Variants in GLRA3 observed in about 807,000 individuals in gnomAD.
GLRA3 encodes the protein glycine receptor subunit alpha-3.
In GLRA3, 44 loss-of-function variants were observed where a neutral mutation model predicts 60.4. That is an observed-to-expected ratio of 0.73 (90% CI 0.57 to 0.94). The LOEUF (loss-of-function observed/expected upper bound fraction) is 0.94, where lower values mean the gene tolerates loss of function less well. Ranked by LOEUF, GLRA3 falls within the 40% of genes least tolerant of loss-of-function variation. The pLI is 0.00. For missense variants in GLRA3, 508 were observed against 564.6 expected (o/e 0.90, Z 1.02); for synonymous variants, 223 against 192.9 (o/e 1.16, Z -1.29).
At chr4:174,656,106 A>C (rs1376446855) in intron 9 of GLRA3, among the ~76,000 whole-genome samples, 1 of 152,122 alleles carries the variant, frequency 6.6e-6, no homozygotes, top group Non-Finnish European at 1.5e-5. Context: ...CCCCAAGTTA[A>C]ACCACGTACA....
At chr4:174,668,098 C>T (rs72998795) in intron 7 of GLRA3, among the ~76,000 whole-genome samples, 7,464 of 152,142 alleles carry the variant, frequency 0.049, 618 homozygotes, top group African/African-American at 0.17. Context: ...CCTCCTGCTC[C>T]AGCCATGTAA....
intron 2 of GLRA3, among the ~76,000 whole-genome samples, chr4:174,778,835 C>T (rs28602610): frequency 3.2e-4 from 48 of 152,206 alleles, no homozygotes; most frequent in African/African-American, 1.1e-3. Flanking sequence ...CACGGAGTCT[C>T]GCTGATTGCT....
intron 3 of GLRA3, among the ~76,000 whole-genome samples, chr4:174,730,567 A>G: frequency 6.6e-6 from 1 of 152,116 alleles, no homozygotes; most frequent in Non-Finnish European, 1.5e-5. Flanking sequence ...AAATAAAAGT[A>G]CTCTTTAAGT....
chr4:174,745,932 A>C (rs905388890), intron 3 of GLRA3, among the ~76,000 whole-genome samples: 1 of 152,178 alleles, frequency 6.6e-6, no homozygotes, highest in Non-Finnish European at 1.5e-5. Flanking sequence ...AATTCAAATA[A>C]AAAACACAAT....
At position 174,828,846 on chromosome 4, in the gene GLRA3, C is replaced by G; in HGVS notation, c.-35G>C. ...AGATATTCACGATCCTGAAAATAGT[C>G]TTATCCAAGGCATGGGGAACCAGAA... On this transcript the variant is annotated 5_prime_UTR_variant, in exon 1 of 10. Transcript: ENST00000274093. 7.2e-7 allele frequency: 1 copy of G among 1,386,244 alleles called. No homozygotes were observed. The highest frequency in any genetic ancestry group is 1.0e-6 in the Non-Finnish European group (1 of 971,992). 85.9% of individuals were successfully genotyped at this position (1,386,244 alleles called of 1,614,324 possible). A position where few individuals can be genotyped will look rare whatever the true frequency, so the allele number is the denominator to read the frequency against.
At chr4:174,811,155 A>C (rs1377538192) in intron 1 of GLRA3, among the ~76,000 whole-genome samples, 2 of 149,658 alleles carry the variant, frequency 1.3e-5, no homozygotes, top group African/African-American at 4.9e-5. Context: ...ACACACACAC[A>C]GACAGCATGC....
intron 5 of GLRA3, among the ~76,000 whole-genome samples, chr4:174,696,424 G>A (rs1171894273): frequency 2.0e-5 from 3 of 149,172 alleles, no homozygotes; most frequent in Admixed American, 1.3e-4. Flanking sequence ...GTTGAAACGT[G>A]AATAACATAT....
intron 6 of GLRA3, among the ~76,000 whole-genome samples, chr4:174,677,880 A>G (rs1734192699): frequency 6.6e-6 from 1 of 152,150 alleles, no homozygotes; most frequent in South Asian, 2.1e-4. Context: ...ATTTCACTTG[A>G]TTACGACAAT....
chr4:174,694,190 A>G (rs1734964562), intron 5 of GLRA3, among the ~76,000 whole-genome samples: 1 of 152,178 alleles, frequency 6.6e-6, no homozygotes, highest in Non-Finnish European at 1.5e-5. Flanking sequence ...AAGTCAGAAA[A>G]GTAAAAAACA....
intron 2 of GLRA3, among the ~76,000 whole-genome samples, chr4:174,773,479 C>A (rs1400407030): frequency 6.9e-6 from 1 of 144,716 alleles, no homozygotes; most frequent in East Asian, 2.1e-4. Flanking sequence ...AACAAACAAA[C>A]AACTCATATG....
chr4:174,654,480 A>T (rs937330985), intron 9 of GLRA3, among the ~76,000 whole-genome samples: 3 of 152,156 alleles, frequency 2.0e-5, no homozygotes, highest in Non-Finnish European at 4.4e-5. Context: ...TTAAATCTAG[A>T]ACTAATGATC....
intron 4 of GLRA3, among the ~76,000 whole-genome samples, chr4:174,716,981 G>A (rs879549780): frequency 1.3e-5 from 2 of 151,680 alleles, no homozygotes; most frequent in African/African-American, 2.4e-5. Flanking sequence ...AGAGAGGATC[G>A]CTTGAGCCCA....
At chr4:174,711,957 A>G (rs1033089603) in intron 5 of GLRA3, among the ~76,000 whole-genome samples, 1 of 151,924 alleles carries the variant, frequency 6.6e-6, no homozygotes, top group Non-Finnish European at 1.5e-5. Flanking sequence ...CTAGTTTGAG[A>G]ATCTCTTTTT....
At chr4:174,827,955 AAAATTCTATATGAGCAGT>A (rs1188676789) in intron 1 of GLRA3, among the ~76,000 whole-genome samples, 1 of 152,108 alleles carries the variant, frequency 6.6e-6, no homozygotes, top group Non-Finnish European at 1.5e-5. Flanking sequence ...TTGGTGGGTC[AAAATTCTATATGAGCAGT>A]ACCTTATTTT....
Position 174,776,909 on chromosome 4 carries a change from A to T in GLRA3, c.200-9879T>A, listed in dbSNP as rs556404486. ...TGAAGAGACCAAAACACAATTACAG[A>T]GTTAAAATCTCCCTAAACATTCACA... On this transcript the variant is annotated intron_variant, in intron 2 of 9. Transcript: ENST00000274093. Among the ~76,000 whole-genome samples the T allele has an allele frequency of 2.0e-5, 3 of 152,340 alleles. No homozygotes were observed. The South Asian group carries it at 6.2e-4, about 32-fold the overall frequency.
At chr4:174,752,068 T>C (rs1473069364) in intron 3 of GLRA3, among the ~76,000 whole-genome samples, 1 of 152,168 alleles carries the variant, frequency 6.6e-6, no homozygotes, top group Non-Finnish European at 1.5e-5. Context: ...CTTAATCTTA[T>C]AGTGCATGGA....
At chr4:174,827,275 CAT>C (rs1741014526) in intron 1 of GLRA3, among the ~76,000 whole-genome samples, 1 of 151,692 alleles carries the variant, frequency 6.6e-6, no homozygotes, top group Non-Finnish European at 1.5e-5. Context: ...TATCTCAGAA[CAT>C]GTTTTAACAA....
chr4:174,799,778 A>G (rs1292909221), intron 1 of GLRA3, among the ~76,000 whole-genome samples: 1 of 152,176 alleles, frequency 6.6e-6, no homozygotes. Flanking sequence ...TTTTGGGAGG[A>G]AGAATATATC....
At chr4:174,677,656 G>A (rs760828688) in intron 6 of GLRA3, among the ~76,000 whole-genome samples, 1 of 151,852 alleles carries the variant, frequency 6.6e-6, no homozygotes, top group Non-Finnish European at 1.5e-5. Flanking sequence ...CACTGCTCCC[G>A]GCCTCACAAT....
Sources: allele counts gnomAD v4.1 joint callset (sites outside exome capture counted in the v4.1 genomes callset), GRCh38; gene constraint gnomAD v4.1.1; transcripts MANE v1.5; gene names NCBI Gene and HGNC (gene_info 2026-07-23, HGNC 2026-07-21).